CDYL: variants seen among roughly 807,000 people sequenced by gnomAD.
CDYL encodes the protein chromodomain Y-like protein.
CDYL carries 8 observed loss-of-function variants against 47.3 expected under a neutral mutation model. The observed-to-expected ratio is 0.17, with a 90% CI of 0.10 to 0.31. The LOEUF is 0.31. Ranked by LOEUF, CDYL falls within the 10% of genes least tolerant of loss-of-function variation. The pLI is 1.00. For missense variants in CDYL, 471 were observed against 701.4 expected (o/e 0.67, Z 3.71); for synonymous variants, 266 against 265.0 (o/e 1.00, Z -0.04).
chr6:4,914,453 G>C (rs1014850429), intron 2 of CDYL, among the ~76,000 whole-genome samples: 12 of 152,186 alleles, frequency 7.9e-5, no homozygotes, highest in Non-Finnish European at 1.6e-4. Context: ...TAGAAGCTCA[G>C]CTGAGTTTCT....
At chr6:4,787,593 A>G (rs1758788864) in intron 1 of CDYL, among the ~76,000 whole-genome samples, 1 of 152,048 alleles carries the variant, frequency 6.6e-6, no homozygotes, top group Non-Finnish European at 1.5e-5. Flanking sequence ...GACCAGACAC[A>G]TTCAGCTTGC....
At chr6:4,742,690 G>T (rs931212643) in intron 3 of CDYL, among the ~76,000 whole-genome samples, 1 of 152,352 alleles carries the variant, frequency 6.6e-6, no homozygotes, top group Non-Finnish European at 1.5e-5. Flanking sequence ...GGGCAGAGAA[G>T]GTCATTCCTT....
intron 3 of CDYL, among the ~76,000 whole-genome samples, chr6:4,759,108 G>T (rs1758128491): frequency 6.6e-6 from 1 of 151,386 alleles, no homozygotes; most frequent in Non-Finnish European, 1.5e-5. Context: ...AGCTGGGACT[G>T]CAGGTGCCTG....
intron 2 of CDYL, among the ~76,000 whole-genome samples, chr6:4,908,959 C>A (rs766744678): frequency 1.3e-4 from 20 of 152,238 alleles, no homozygotes; most frequent in Non-Finnish European, 1.9e-4. Flanking sequence ...AGGTTCTATG[C>A]TTAGACTAGA....
chr6:4,749,725 T>C (rs1757958382), intron 3 of CDYL, among the ~76,000 whole-genome samples: 2 of 152,164 alleles, frequency 1.3e-5, no homozygotes, highest in South Asian at 2.1e-4. Flanking sequence ...ACCTAAGACA[T>C]GGATGTAAGC....
chr6:4,854,643 A>G (rs1760952576), intron 1 of CDYL, among the ~76,000 whole-genome samples: 1 of 152,256 alleles, frequency 6.6e-6, no homozygotes, highest in East Asian at 1.9e-4. Context: ...AGGAGAAACA[A>G]GGTTCCAAGG....
At chr6:4,775,875 C>T (rs1758425191), upstream of CDYL, among the ~76,000 whole-genome samples, 1 of 150,582 alleles carries the variant, frequency 6.6e-6, no homozygotes. The surrounding 1 kb of genome is among the most constrained non-coding windows in gnomAD (Gnocchi z 7.0). Context: ...CTCTTGGGCT[C>T]CTCCTGGAGG....
chr6:4,904,423 A>T (rs1044918592), intron 2 of CDYL, among the ~76,000 whole-genome samples: 2 of 152,236 alleles, frequency 1.3e-5, no homozygotes, highest in African/African-American at 4.8e-5. Context: ...TTTAAAGCTT[A>T]TCTCCAAAGT....
At chr6:4,930,367 T>TA (rs1304612638) in intron 2 of CDYL, among the ~76,000 whole-genome samples, 1 of 152,222 alleles carries the variant, frequency 6.6e-6, no homozygotes, top group Non-Finnish European at 1.5e-5. Flanking sequence ...TCTCACAAAT[T>TA]ACAGCCTCCT....
intron 1 of CDYL, among the ~76,000 whole-genome samples, chr6:4,835,103 A>G (rs981896576): frequency 6.6e-6 from 1 of 151,982 alleles, no homozygotes; most frequent in African/African-American, 2.4e-5. Flanking sequence ...GCTTTGTTCC[A>G]TTGCTGGTGA....
intron 1 of CDYL, among the ~76,000 whole-genome samples, chr6:4,788,620 C>CA (rs369120863): frequency 6.6e-6 from 1 of 151,766 alleles, no homozygotes; most frequent in Non-Finnish European, 1.5e-5. Context: ...CAGGAACTCT[C>CA]AAAGATTGAA....
chr6:4,924,294 C>T (rs1337650152), intron 2 of CDYL, among the ~76,000 whole-genome samples: 1 of 152,132 alleles, frequency 6.6e-6, no homozygotes, highest in Non-Finnish European at 1.5e-5. Flanking sequence ...ATTGCAGGAA[C>T]CTTAGCTTAC....
At chr6:4,778,679 G>A (rs896599175) in intron 1 of CDYL, among the ~76,000 whole-genome samples, 1 of 151,756 alleles carries the variant, frequency 6.6e-6, no homozygotes, top group Non-Finnish European at 1.5e-5. Flanking sequence ...TTTAGTTTTG[G>A]AAAAAAAGGT....
chr6:4,877,491 T>C (rs536131884), intron 1 of CDYL, among the ~76,000 whole-genome samples: 1 of 152,362 alleles, frequency 6.6e-6, no homozygotes, highest in South Asian at 2.1e-4. Flanking sequence ...TAATGCATCT[T>C]GAATGAACTT....
At chr6:4,895,641 C>G (rs2127489533) in intron 2 of CDYL, among the ~76,000 whole-genome samples, 1 of 152,030 alleles carries the variant, frequency 6.6e-6, no homozygotes, top group South Asian at 2.1e-4. Flanking sequence ...AGTCCTTAAC[C>G]CGCACGTCCA....
chr6:4,719,740 C>A (rs1377309865), intron 2 of CDYL, among the ~76,000 whole-genome samples: 1 of 152,114 alleles, frequency 6.6e-6, no homozygotes, highest in African/African-American at 2.4e-5. Flanking sequence ...AGATACTCTG[C>A]CCACCTATAA....
intron 1 of CDYL, among the ~76,000 whole-genome samples, chr6:4,802,863 A>G (rs1303395117): frequency 6.6e-6 from 1 of 152,116 alleles, no homozygotes; most frequent in African/African-American, 2.4e-5. Flanking sequence ...CAGAGGCCAC[A>G]GGATTCTCTT....
intron 2 of CDYL, among the ~76,000 whole-genome samples, chr6:4,931,217 C>T (rs957454339): frequency 3.9e-4 from 60 of 152,078 alleles, no homozygotes; most frequent in African/African-American, 1.2e-3. Context: ...ATAAGACAGG[C>T]GAGGACCCTG....
intron 4 of CDYL, among the ~76,000 whole-genome samples, chr6:4,940,604 A>C (rs1438059315): frequency 6.6e-6 from 1 of 152,228 alleles, no homozygotes; most frequent in Admixed American, 6.5e-5. Flanking sequence ...TTGCAACAAA[A>C]ATATTCTGCA....
Sources: allele counts gnomAD v4.1 joint callset (sites outside exome capture counted in the v4.1 genomes callset), GRCh38; gene constraint gnomAD v4.1.1; non-coding constraint Gnocchi (gnomAD v3.1); transcripts MANE v1.5; gene names NCBI Gene and HGNC (gene_info 2026-07-23, HGNC 2026-07-21).